The following TCF4 variants were observed in gnomAD, a reference collection of about 807,000 sequenced individuals.
TCF4 encodes transcription factor 4.
TCF4 carries 3 observed loss-of-function variants against 82.1 expected under a neutral mutation model. The ratio of observed to expected loss-of-function variants is 0.04; its 90% confidence interval spans 0.02 to 0.09. The LOEUF (loss-of-function observed/expected upper bound fraction) is 0.09. Among genes scored for constraint, TCF4 ranks in the 10% least tolerant of loss-of-function variants. The pLI is 1.00. For synonymous variants in TCF4, 276 were observed against 309.6 expected (o/e 0.89, Z 1.14); for missense variants, 518 against 852.7 (o/e 0.61, Z 4.89).
intron 3 of TCF4, among the ~76,000 whole-genome samples, chr18:55,531,740 A>G (rs1399060502): frequency 2.0e-5 from 3 of 152,218 alleles, no homozygotes; most frequent in Non-Finnish European, 4.4e-5. Context: ...GAAAAGTTAT[A>G]AATTGTGCTT....
At chr18:55,280,589 G>C (rs914192105) in intron 8 of TCF4, among the ~76,000 whole-genome samples, 7 of 151,804 alleles carry the variant, frequency 4.6e-5, no homozygotes, top group Non-Finnish European at 8.8e-5. Context: ...CCTCTCTCCA[G>C]ATGGTCAGAA....
At chr18:55,231,803 T>C (rs938884216) in intron 17 of TCF4, 5 of 152,234 alleles carry the variant, frequency 3.3e-5, no homozygotes, top group African/African-American at 1.2e-4. Context: ...CCACAGCCTT[T>C]AGAAGGAAAG....
At chr18:55,487,872 T>C (rs2096534199) in intron 3 of TCF4, among the ~76,000 whole-genome samples, 1 of 151,982 alleles carries the variant, frequency 6.6e-6, no homozygotes, top group South Asian at 2.1e-4. Flanking sequence ...AGGGATTGTA[T>C]ACAAAGCTCT....
chr18:55,540,499 T>A (rs1198140432), intron 3 of TCF4, among the ~76,000 whole-genome samples: 2 of 152,070 alleles, frequency 1.3e-5, no homozygotes, highest in Non-Finnish European at 2.9e-5. Context: ...TTTTTTGGCA[T>A]GTTGTATAAT....
intron 5 of TCF4, chr18:55,423,628 C>T (rs2094865919): frequency 6.6e-6 from 1 of 152,244 alleles, no homozygotes; most frequent in Non-Finnish European, 1.5e-5. Context: ...AAAAACAACA[C>T]AGAGCAGATG....
intron 3 of TCF4, chr18:55,551,274 A>C (rs1393130083): frequency 1.3e-5 from 2 of 152,268 alleles, no homozygotes; most frequent in African/African-American, 4.8e-5. Context: ...CAAACACCTC[A>C]AAAATCATTC....
intron 2 of TCF4, among the ~76,000 whole-genome samples, chr18:55,598,423 A>T (rs148830697): frequency 2.6e-5 from 4 of 152,310 alleles, no homozygotes; most frequent in African/African-American, 9.6e-5. Context: ...GTTCTGGGAT[A>T]CATGCACAGA....
chr18:55,479,611 C>T (rs8086784), intron 3 of TCF4, among the ~76,000 whole-genome samples: 9,087 of 152,146 alleles, frequency 0.06, 588 homozygotes, highest in African/African-American at 0.16. Context: ...CGTCTATGCA[C>T]CACTCTCCTT....
At chr18:55,310,016 T>G (rs2071782991) in intron 8 of TCF4, among the ~76,000 whole-genome samples, 4 of 152,170 alleles carry the variant, frequency 2.6e-5, no homozygotes, top group Admixed American at 2.6e-4. Context: ...ATGTTAAAAT[T>G]TTCTTTTCAG....
At chr18:55,350,508 AATC>A in intron 7 of TCF4, 100 bp from the exon 8 acceptor site, 1 of 1,222,806 alleles carries the variant, frequency 8.2e-7, no homozygotes, top group Non-Finnish European at 1.2e-6. Flanking sequence ...CATTTCCTTA[AATC>A]ATTACCTTAG....
chr18:55,484,593 C>A (rs2096488991), intron 3 of TCF4, among the ~76,000 whole-genome samples: 2 of 152,192 alleles, frequency 1.3e-5, no homozygotes, highest in African/African-American at 4.8e-5. Context: ...CAGTGGGGCC[C>A]ATAAGTAAAC....
chr18:55,547,559 T>C (rs1403168114), intron 3 of TCF4, among the ~76,000 whole-genome samples: 1 of 152,200 alleles, frequency 6.6e-6, no homozygotes, highest in Admixed American at 6.5e-5. Context: ...TCAAGAAAAC[T>C]ACTTGAAAGG....
chr18:55,586,495 G>T (rs1296819241), intron 2 of TCF4, among the ~76,000 whole-genome samples: 1 of 152,154 alleles, frequency 6.6e-6, no homozygotes, highest in African/African-American at 2.4e-5. Flanking sequence ...AGTCCAAAAG[G>T]TTCTAAAGAA....
chr18:55,355,223 G>A (rs1461038380), intron 6 of TCF4, among the ~76,000 whole-genome samples: 1 of 152,112 alleles, frequency 6.6e-6, no homozygotes, highest in Non-Finnish European at 1.5e-5. Context: ...TATATGTGTA[G>A]GTATCTACCA....
At chr18:55,307,706 G>C (rs1412569268) in intron 8 of TCF4, among the ~76,000 whole-genome samples, 1 of 152,184 alleles carries the variant, frequency 6.6e-6, no homozygotes, top group Non-Finnish European at 1.5e-5. Context: ...GGCACAAGCT[G>C]AAAGAGTGCA....
At chr18:55,439,534 C>T (rs886659823) in intron 5 of TCF4, among the ~76,000 whole-genome samples, 2 of 152,116 alleles carry the variant, frequency 1.3e-5, no homozygotes, top group African/African-American at 2.4e-5. Flanking sequence ...CAGGATCTAG[C>T]GCACTCCCTG....
intron 5 of TCF4, among the ~76,000 whole-genome samples, chr18:55,445,082 C>G (rs2095502704): frequency 6.6e-6 from 1 of 152,206 alleles, no homozygotes. Flanking sequence ...TCCTTGCCCT[C>G]AAGTTGCCTC....
chr18:55,294,214 C>G (rs1479362833), intron 8 of TCF4, among the ~76,000 whole-genome samples: 1 of 150,678 alleles, frequency 6.6e-6, no homozygotes, highest in South Asian at 2.1e-4. Flanking sequence ...GAGCCGTGAT[C>G]GCGCCACTGC....
At chr18:55,321,409 T>C in intron 8 of TCF4, 1 of 529,814 alleles carries the variant, frequency 1.9e-6, no homozygotes, top group Non-Finnish European at 3.3e-6. Flanking sequence ...GACTGCAAAC[T>C]TTCGCTCTAG....
Sources: allele counts gnomAD v4.1 joint callset (sites outside exome capture counted in the v4.1 genomes callset), GRCh38; gene constraint gnomAD v4.1.1; transcripts MANE v1.5; gene names NCBI Gene and HGNC (gene_info 2026-07-23, HGNC 2026-07-21).